Variants in CSMD1 observed in about 807,000 individuals in gnomAD.
CSMD1 encodes the protein CUB and sushi domain-containing protein 1.
CSMD1 carries 213 observed loss-of-function variants against 417.5 expected under a neutral mutation model. That is an observed-to-expected ratio of 0.51 (90% CI 0.46 to 0.57). The LOEUF (loss-of-function observed/expected upper bound fraction) is 0.57, where lower values mean the gene tolerates loss of function less well. CSMD1 is among the 20% of genes least tolerant of loss of function. The pLI is 0.00. For missense variants in CSMD1, 6,923 were observed against 4,529.7 expected (o/e 1.53, Z -15.17); for synonymous variants, 2,862 against 1,736.8 (o/e 1.65, Z -16.11).
At chr8:4,194,748 A>T (rs955509609) in intron 3 of CSMD1, among the ~76,000 whole-genome samples, 4 of 151,694 alleles carry the variant, frequency 2.6e-5, no homozygotes, top group Admixed American at 2.6e-4. Flanking sequence ...TTATTTAAAT[A>T]AACATTTTTT....
chr8:4,643,059 G>C (rs1449628512), intron 1 of CSMD1, among the ~76,000 whole-genome samples: 1 of 152,208 alleles, frequency 6.6e-6, no homozygotes, highest in African/African-American at 2.4e-5. Flanking sequence ...GATATCATTT[G>C]AAAGCGTATA....
intron 5 of CSMD1, among the ~76,000 whole-genome samples, chr8:3,898,323 T>C (rs977583915): frequency 3.3e-5 from 5 of 152,192 alleles, no homozygotes; most frequent in Non-Finnish European, 7.4e-5. Context: ...ACTACTCTGA[T>C]GTTATGTGAG....
rs767362458 is a variant in CSMD1, at chr8:3,399,515, G to A, written c.2281C>T (p.His761Tyr). The stretch of plus-strand genomic sequence containing the variant: ...ATGACTCCGCTGGACGCTGTCAGAT[G>A]TCCACCACATGGAGCTAAAACAAGA... ...VPRCEAPCGG[H>Y]LTASSGVILP... The change falls in exon 16 of 70, where the codon CAT becomes TAT. Residue 761 changes from histidine (H) to tyrosine (Y), a missense_variant. Transcript: ENST00000635120. 6.3e-7 allele frequency: 1 copy of A among 1,598,102 alleles called. No individual in the cohort carries two copies. The highest frequency in any genetic ancestry group is 8.5e-7 in the Non-Finnish European group (1 of 1,173,130).
intron 2 of CSMD1, among the ~76,000 whole-genome samples, chr8:4,493,006 G>C (rs1451635402): frequency 1.3e-5 from 2 of 152,124 alleles, no homozygotes; most frequent in Non-Finnish European, 2.9e-5. Context: ...GAAGATCAAG[G>C]TTGTGTCAGA....
At chr8:4,580,961 C>T (rs775621120) in intron 2 of CSMD1, among the ~76,000 whole-genome samples, 1 of 152,178 alleles carries the variant, frequency 6.6e-6, no homozygotes. Context: ...AAAAGATAGA[C>T]AACGATTGTC....
intron 26 of CSMD1, among the ~76,000 whole-genome samples, chr8:3,243,969 T>A (rs1383310839): frequency 6.6e-6 from 1 of 152,186 alleles, no homozygotes; most frequent in Non-Finnish European, 1.5e-5. Context: ...TTCATAGAAG[T>A]ACGTTTGCTT....
intron 3 of CSMD1, among the ~76,000 whole-genome samples, chr8:4,094,511 G>A (rs1469849276): frequency 6.6e-6 from 1 of 152,186 alleles, no homozygotes. Context: ...CAGGGTGGAG[G>A]AATCTAACTT....
chr8:4,263,367 G>A (rs1388328751), intron 3 of CSMD1, among the ~76,000 whole-genome samples: 1 of 152,102 alleles, frequency 6.6e-6, no homozygotes. Context: ...AACTGCAACA[G>A]AATAAAAATA....
intron 7 of CSMD1, among the ~76,000 whole-genome samples, chr8:3,633,542 G>A (rs1796884304): frequency 6.6e-6 from 1 of 152,222 alleles, no homozygotes; most frequent in East Asian, 1.9e-4. Context: ...TTGTATTAGT[G>A]GTGCACGCAC....
At chr8:4,883,283 AAT>A (rs1803530958) in intron 1 of CSMD1, among the ~76,000 whole-genome samples, 2 of 152,112 alleles carry the variant, frequency 1.3e-5, no homozygotes, top group South Asian at 2.1e-4. Flanking sequence ...ATACAAGATA[AAT>A]AGAGTTACAG....
chr8:4,846,533 G>A (rs1188024931), intron 1 of CSMD1, among the ~76,000 whole-genome samples: 6 of 152,152 alleles, frequency 3.9e-5, no homozygotes, highest in African/African-American at 1.4e-4. Flanking sequence ...TTTTGGTCCA[G>A]CCACAGGCTC....
intron 26 of CSMD1, among the ~76,000 whole-genome samples, chr8:3,243,772 A>G (rs1046922065): frequency 6.6e-6 from 1 of 150,538 alleles, no homozygotes; most frequent in Non-Finnish European, 1.5e-5. Flanking sequence ...AAACAATATC[A>G]TTTATATATA....
intron 1 of CSMD1, among the ~76,000 whole-genome samples, chr8:4,838,567 G>T (rs1800641154): frequency 6.6e-6 from 1 of 152,348 alleles, no homozygotes; most frequent in African/African-American, 2.4e-5. Context: ...GGGTGGGGGT[G>T]CATGTTGAGG....
intron 10 of CSMD1, among the ~76,000 whole-genome samples, chr8:3,510,984 G>C (rs1185479223): frequency 6.6e-6 from 1 of 151,710 alleles, no homozygotes; most frequent in Non-Finnish European, 1.5e-5. Context: ...TGAACCCAAA[G>C]GCCCATCAAT....
chr8:3,859,941 C>T (rs1804580261), intron 5 of CSMD1, among the ~76,000 whole-genome samples: 1 of 152,122 alleles, frequency 6.6e-6, no homozygotes, highest in African/African-American at 2.4e-5. Flanking sequence ...AATAGCTTTT[C>T]ATGAATTCCA....
chr8:3,409,285 C>T (rs1812533430), intron 13 of CSMD1, 138 bp downstream of exon 13: 4 of 668,754 alleles, frequency 6.0e-6, no homozygotes, highest in East Asian at 3.0e-5. Flanking sequence ...CGTCCTTGCA[C>T]GTTTCCAGTA....
At position 4,920,975 on chromosome 8, in the gene CSMD1, AAAGAAAC is replaced by A. The variant is rs1418307637; in HGVS notation, c.85+73350_85+73356del. On this transcript the variant is annotated intron_variant, in intron 1 of 69. Transcript: ENST00000635120. The stretch of plus-strand genomic sequence containing the variant: ...GAAAGAAAGAAAGAAAGAAAGAAAG[AAAGAAAC>A]AAAGAAAGAAAGAAAAGAAAGAAAG... Among the ~76,000 whole-genome samples the A allele has an allele frequency of 9.7e-3, 135 of 13,958 alleles. 16 individuals are homozygous for A. Among genetic ancestry groups the A allele is most frequent in the East Asian group, 0.03 (8 of 266 alleles). The allele number at this position is 13,958 out of a possible 152,430, so 9.2% of individuals were successfully genotyped here. A position where few individuals can be genotyped will look rare whatever the true frequency, so the allele number is the denominator to read the frequency against.
At chr8:4,658,208 C>T (rs1402795051) in intron 1 of CSMD1, among the ~76,000 whole-genome samples, 1 of 151,860 alleles carries the variant, frequency 6.6e-6, no homozygotes, top group Non-Finnish European at 1.5e-5. Context: ...TGCAAATTTC[C>T]AAAATTTACT....
At chr8:4,677,614 G>T (rs1805778036) in intron 1 of CSMD1, among the ~76,000 whole-genome samples, 1 of 152,042 alleles carries the variant, frequency 6.6e-6, no homozygotes, top group South Asian at 2.1e-4. Context: ...ATTTATCACT[G>T]CTGCATTTTT....
Sources: allele counts gnomAD v4.1 joint callset (sites outside exome capture counted in the v4.1 genomes callset), GRCh38; gene constraint gnomAD v4.1.1; transcripts MANE v1.5; gene names NCBI Gene and HGNC (gene_info 2026-07-23, HGNC 2026-07-21).